SIMC1: variants seen among roughly 807,000 people sequenced by gnomAD.
SIMC1 encodes the protein SUMO interacting motifs containing 1.
SIMC1 carries 55 observed loss-of-function variants against 82.3 expected under a neutral mutation model. The ratio of observed to expected loss-of-function variants is 0.67; its 90% CI spans 0.54 to 0.84. The LOEUF (loss-of-function observed/expected upper bound fraction) is 0.84, where lower values mean the gene tolerates loss of function less well. SIMC1 is among the 40% of genes least tolerant of loss of function. SIMC1 has a pLI of 0.00. For missense variants in SIMC1, 915 were observed against 1,107.2 expected, an observed-to-expected ratio of 0.83 and a Z score of 2.46; for synonymous variants, 353 against 426.3, an observed-to-expected ratio of 0.83 and a Z score of 2.12.
At chr5:176,242,731 C>G (rs1361717593) in intron 1 of SIMC1, among the ~76,000 whole-genome samples, 1 of 152,026 alleles carries the variant, frequency 6.6e-6, no homozygotes, top group African/African-American at 2.4e-5. Context: ...TCTCTGCTGC[C>G]TAGTCACCCC....
chr5:176,280,905 T>A (rs1032191401), intron 1 of SIMC1, among the ~76,000 whole-genome samples: 1 of 152,174 alleles, frequency 6.6e-6, no homozygotes, highest in African/African-American at 2.4e-5. Flanking sequence ...GACAATTATG[T>A]GTCTTGGAAT....
At chr5:176,245,963 G>C (rs1200543664) in intron 1 of SIMC1, among the ~76,000 whole-genome samples, 1 of 151,132 alleles carries the variant, frequency 6.6e-6, no homozygotes, top group African/African-American at 2.4e-5. Flanking sequence ...TCAGGCATTT[G>C]TGCATAATAA....
At chr5:176,281,378 A>G (rs1263105366) in intron 1 of SIMC1, among the ~76,000 whole-genome samples, 15 of 152,130 alleles carry the variant, frequency 9.9e-5, no homozygotes, top group Non-Finnish European at 2.9e-5. Context: ...TGGTTTGAAT[A>G]TCCTCCTGTA....
chr5:176,327,400 C>T (rs1350697097), intron 7 of SIMC1, among the ~76,000 whole-genome samples: 1 of 152,112 alleles, frequency 6.6e-6, no homozygotes, highest in African/African-American at 2.4e-5. Flanking sequence ...ATGCATATAC[C>T]TTCTTGACCT....
chr5:176,277,081 C>T, intron 1 of SIMC1, among the ~76,000 whole-genome samples: 1 of 151,778 alleles, frequency 6.6e-6, no homozygotes, highest in Non-Finnish European at 1.5e-5. Flanking sequence ...AAAAGTGTTC[C>T]TGTTTCTCCA....
chr5:176,280,662 C>G (rs1226117627), intron 1 of SIMC1, among the ~76,000 whole-genome samples: 1 of 152,078 alleles, frequency 6.6e-6, no homozygotes, highest in African/African-American at 2.4e-5. Context: ...ATTTGCTTCT[C>G]TGTAAAGGAT....
rs191386302 is a variant in SIMC1 at position 176,280,608 on chromosome 5, G to A, written c.130-9046G>A. ...CTTTCCATGTTTAGTGCTTCCTTCA[G>A]GAGCTCTTGTACGGCAGGCCTGGTG... On this transcript the variant is annotated intron_variant, in intron 1 of 9. Transcript: ENST00000429602. 6.3e-3 allele frequency among the ~76,000 whole-genome samples: 963 copies of A among 152,160 alleles called. 8 individuals carry two copies. Among genetic ancestry groups the A allele is most frequent in the Non-Finnish European group, 0.011 (731 of 67,998 alleles).
At chr5:176,317,552 C>T (rs541003241) in intron 5 of SIMC1, among the ~76,000 whole-genome samples, 2 of 152,242 alleles carry the variant, frequency 1.3e-5, no homozygotes, top group East Asian at 3.9e-4. Flanking sequence ...AAGGAGTTCG[C>T]TCTTTTTCCT....
chr5:176,248,720 C>T (rs1234463920), intron 1 of SIMC1, among the ~76,000 whole-genome samples: 1 of 152,074 alleles, frequency 6.6e-6, no homozygotes, highest in Non-Finnish European at 1.5e-5. Context: ...TTTACCCATT[C>T]AGTATGATAT....
intron 4 of SIMC1, among the ~76,000 whole-genome samples, chr5:176,298,152 C>CT (rs1313090551): frequency 6.6e-6 from 1 of 152,330 alleles, no homozygotes; most frequent in East Asian, 1.9e-4. Context: ...AGAACATAGT[C>CT]TATCAAAAGT....
At chr5:176,306,665 G>A (rs1764426623) in intron 4 of SIMC1, among the ~76,000 whole-genome samples, 1 of 151,678 alleles carries the variant, frequency 6.6e-6, no homozygotes, top group African/African-American at 2.4e-5. Context: ...GGGTTAAAAG[G>A]ATTAAGGGCG....
chr5:176,318,953 C>T (rs1765036103), intron 5 of SIMC1, among the ~76,000 whole-genome samples: 1 of 151,986 alleles, frequency 6.6e-6, no homozygotes, highest in Admixed American at 6.5e-5. Flanking sequence ...ACCAAAACCA[C>T]AAAAAATTAG....
chr5:176,294,468 G>A lies in SIMC1; in HGVS notation c.1432-562G>A, dbSNP rs567307379. Among the ~76,000 whole-genome samples, 7 of 152,016 alleles carry A rather than the reference G, an allele frequency of 4.6e-5. No individual in the cohort carries two copies. The South Asian group carries it at 6.2e-4, about 14-fold the overall frequency. On this transcript the variant is annotated intron_variant, in intron 2 of 9. Transcript: ENST00000429602. ...TAATTTTTATATTTTTAGTAGAGAC[G>A]GGGTTTCACCATGTTGGCCAGACTG... is the stretch of plus-strand genomic sequence containing the variant.
intron 1 of SIMC1, among the ~76,000 whole-genome samples, chr5:176,262,652 C>T (rs546704691): frequency 6.6e-6 from 1 of 152,050 alleles, no homozygotes. Context: ...TAAAAATATA[C>T]AAATCAGCCA....
At position 176,325,732 on chromosome 5, in the gene SIMC1, A is replaced by G. The variant is rs1581317370; in HGVS notation, c.2171+975A>G. 2.6e-5 allele frequency among the ~76,000 whole-genome samples: 4 copies of G among 152,062 alleles called. 1 individual carries two copies. The highest frequency in any genetic ancestry group is 2.6e-4 in the Admixed American group (4 of 15,292). ...TTACTTAATTAATTAAATAAATAATAAAAATAAAAATTTAACTGTTAAGCC... is the reference window on the plus strand; with the variant it reads ...TTACTTAATTAATTAAATAAATAATGAAAATAAAAATTTAACTGTTAAGCC... On this transcript the variant is annotated intron_variant, in intron 7 of 9. Coordinates refer to ENST00000429602, the MANE Select transcript of SIMC1 (RefSeq NM_001308195.2).
chr5:176,291,371 C>T (rs1158956463), intron 2 of SIMC1, among the ~76,000 whole-genome samples: 1 of 132,016 alleles, frequency 7.6e-6, no homozygotes, highest in Non-Finnish European at 1.6e-5. Flanking sequence ...GAGTCTCGCT[C>T]TGTCGCCCAG....
chr5:176,280,478 A>T (rs1217741009), intron 1 of SIMC1, among the ~76,000 whole-genome samples: 3 of 151,652 alleles, frequency 2.0e-5, no homozygotes, highest in African/African-American at 7.3e-5. Context: ...ACCTGTCATT[A>T]TGATGTTAGC....
intron 1 of SIMC1, among the ~76,000 whole-genome samples, chr5:176,247,696 G>T (rs1430080235): frequency 1.3e-5 from 2 of 151,484 alleles, no homozygotes; most frequent in Admixed American, 6.6e-5. Context: ...CCTATGTCCT[G>T]AATGGTATTG....
At chr5:176,321,074 T>A (rs1765136456) in intron 5 of SIMC1, among the ~76,000 whole-genome samples, 1 of 152,164 alleles carries the variant, frequency 6.6e-6, no homozygotes, top group African/African-American at 2.4e-5. Context: ...TGCACCCAGG[T>A]GATCATCATT....
Sources: gnomAD v4.1 joint callset for allele counts (sites outside exome capture counted in the v4.1 genomes callset) on GRCh38, gnomAD v4.1.1 for gene constraint, MANE v1.5 for transcripts, NCBI Gene and HGNC (gene_info 2026-07-23, HGNC 2026-07-21) for gene names.